Variants in CCNF observed in about 807,000 individuals in gnomAD.
The protein encoded by CCNF is cyclin-F.
CCNF carries 30 observed loss-of-function variants against 85.4 expected under a neutral mutation model. The observed-to-expected ratio is 0.35, with a 90% CI of 0.26 to 0.48. The LOEUF (loss-of-function observed/expected upper bound fraction) is 0.48, where lower values mean the gene tolerates loss of function less well. Ranked by LOEUF, CCNF falls within the 20% of genes least tolerant of loss-of-function variation. The pLI is 0.99. For synonymous variants in CCNF, 439 were observed against 425.1 expected, an observed-to-expected ratio of 1.03 and a Z score of -0.40; for missense variants, 919 against 1,010.4, an observed-to-expected ratio of 0.91 and a Z score of 1.23.
In CCNF at chr16:2,452,831, G is replaced by A; in HGVS notation, c.1488-379G>A. On this transcript the variant is annotated intron_variant, in intron 13 of 16. Transcript: ENST00000397066. This position sits in a 1 kb window ranked among gnomAD's most constrained non-coding sequence, Gnocchi z 4.1. ...CTGTGTCTAGGTGATTTCCCTCGCG[G>A]TAACGTTTGCTGGGTTTGTCCATGT... 4.0e-6 allele frequency: 1 copy of A among 249,072 alleles called. No homozygotes were observed. The highest frequency in any genetic ancestry group is 7.9e-6 in the Non-Finnish European group (1 of 126,378). 15.4% of individuals were successfully genotyped at this position (249,072 alleles called of 1,614,324 possible).
chr16:2,429,694 G>A (rs1342949718), intron 1 of CCNF, among the ~76,000 whole-genome samples, 197 bp downstream of exon 1: 2 of 152,084 alleles, frequency 1.3e-5, no homozygotes, highest in Non-Finnish European at 2.9e-5. Context: ...TGCCCGGCGG[G>A]CGCCCGAGCC....
At position 2,453,562 on chromosome 16, in the gene CCNF, C is replaced by G; in HGVS notation, c.1715+25C>G. On this transcript the variant is annotated intron_variant, in intron 15 of 16. Coordinates refer to ENST00000397066, the MANE Select transcript of CCNF (RefSeq NM_001761.3). The surrounding 1 kb of genome is among the most constrained non-coding windows in gnomAD (Gnocchi z 5.6). ...GGTTAGTTACCCTGCGTTCTGGCTG[C>G]GCCATACAATGCTGGCATCCTCGTG... The G allele has an allele frequency of 6.2e-7, 1 of 1,613,462 alleles. No homozygotes were observed. The highest frequency in any genetic ancestry group is 8.5e-7 in the Non-Finnish European group (1 of 1,179,852).
Position 2,451,925 on chromosome 16 carries a change from C to T in CCNF, c.1488-1285C>T, listed in dbSNP as rs532548022. ...CACATCTCAACCTTGACCTGCCACC[C>T]CCCTGCCAGCGTGACTCAGCCAACG... On this transcript the variant is annotated intron_variant, in intron 13 of 16. Coordinates refer to ENST00000397066, the MANE Select transcript of CCNF (RefSeq NM_001761.3). The surrounding 1 kb of genome is among the most constrained non-coding windows in gnomAD (Gnocchi z 4.3). Among the ~76,000 whole-genome samples, 1 of 152,328 alleles carries T rather than the reference C, an allele frequency of 6.6e-6. No individual in the cohort carries two copies. The highest frequency in any genetic ancestry group is 1.9e-4 in the East Asian group (1 of 5,178).
chr16:2,437,494 G>A (rs2065297874), intron 5 of CCNF, 172 bp downstream of exon 5: 2 of 569,476 alleles, frequency 3.5e-6, no homozygotes, highest in East Asian at 2.9e-5. Context: ...AGCTGGCACA[G>A]AGGAGGAAGC....
intron 12 of CCNF, among the ~76,000 whole-genome samples, 170 bp downstream of exon 12, chr16:2,449,632 C>T (rs1285446140): frequency 6.6e-6 from 1 of 152,198 alleles, no homozygotes; most frequent in Non-Finnish European, 1.5e-5. Flanking sequence ...GACCATGAGC[C>T]TGCACGCCCT....
intron 12 of CCNF, 28 bp from the exon 13 acceptor site, chr16:2,449,800 T>TCCATCCCCA: frequency 3.2e-5 from 12 of 379,966 alleles, no homozygotes; most frequent in African/African-American, 7.1e-5. Flanking sequence ...CTCCATCCCC[T>TCCATCCCCA]CCACCCCTGG....
chr16:2,453,626 C>T lies in CCNF; in HGVS notation c.1715+89C>T, dbSNP rs376827215. On this transcript the variant is annotated intron_variant, in intron 15 of 16. Coordinates refer to ENST00000397066, the MANE Select transcript of CCNF (RefSeq NM_001761.3). The surrounding 1 kb of genome is among the most constrained non-coding windows in gnomAD (Gnocchi z 5.6). ...CTCAGCGCTTCCTCACACAGAGAGG[C>T]CCCCAAGGCTTGTCAGGGGAGCAGC... The T allele has an allele frequency of 6.8e-5, 104 of 1,526,074 alleles. No individual in the cohort carries two copies. Among genetic ancestry groups the T allele is most frequent in the East Asian group, 1.1e-4 (5 of 44,260 alleles). 94.5% of individuals were successfully genotyped at this position (1,526,074 alleles called of 1,614,324 possible).
At chr16:2,438,437 A>G (rs2065303308) in intron 6 of CCNF, among the ~76,000 whole-genome samples, 1 of 152,042 alleles carries the variant, frequency 6.6e-6, no homozygotes, top group Non-Finnish European at 1.5e-5. Flanking sequence ...GCTCGTGTGG[A>G]CCTCTCTGCC....
In CCNF at chr16:2,437,289, C is replaced by A. The variant is rs557533283; in HGVS notation, c.507C>A (p.His169Gln). ...GAAGCTGCTGCAAGGCCGTGGTTCA[C>A]GAGAGCCTCAGGGCAGAGTGCCAGC... ...VSGSCCKAVV[H>Q]ESLRAECQLQ... is the part of the protein sequence containing the mutation. Residue 169 changes from histidine (H) to glutamine (Q), a missense_variant, in exon 5 of 17, where the codon CAC becomes CAA. Around this residue, in one of 3 missense-constraint regions of CCNF, gnomAD observed 410 missense variants for 478.6 expected, o/e 0.86. Transcript: ENST00000397066. The A allele has an allele frequency of 1.2e-6, 2 of 1,605,596 alleles. No individual in the cohort carries two copies. Among genetic ancestry groups the A allele is most frequent in the Non-Finnish European group, 8.5e-7 (1 of 1,177,378 alleles).
In CCNF at chr16:2,456,347, A is replaced by G; in HGVS notation, c.1886-198A>G. 3 of 483,612 alleles carry G rather than the reference A, an allele frequency of 6.2e-6. No individual in the cohort carries two copies. The highest frequency in any genetic ancestry group is 3.6e-6 in the Non-Finnish European group (1 of 276,222). The allele number at this position is 483,612 out of a possible 1,614,324, so 30.0% of individuals were successfully genotyped here. On this transcript the variant is annotated intron_variant, in intron 16 of 16. Transcript: ENST00000397066. This position sits in a 1 kb window ranked among gnomAD's most constrained non-coding sequence, Gnocchi z 4.5. The stretch of plus-strand genomic sequence containing the variant: ...TAGATGGCCAACTTGTCATCTCCAC[A>G]TTTGTTGGAGTCATGGCGGGCAGCT...
Position 2,443,812 on chromosome 16 carries a change from AGGCCGG to A in CCNF, c.929+16_929+21del, listed in dbSNP as rs1370759009. On this transcript the variant is annotated intron_variant, in intron 9 of 16. Transcript: ENST00000397066. ...AATGACACAATGAGGTGAGGCATTCAGGCCGGGGCTTCTAATCAGAGCGGCGCGGAA... is the reference window on the plus strand; with the variant it reads ...AATGACACAATGAGGTGAGGCATTCAGGCTTCTAATCAGAGCGGCGCGGAA... The A allele has an allele frequency of 3.7e-6, 6 of 1,613,344 alleles. No individual in the cohort carries two copies. In the African/African-American group the frequency reaches 8.0e-5, roughly 22 times the overall value.
At position 2,455,404 on chromosome 16, in the gene CCNF, G is replaced by A. The variant is rs1405733844; in HGVS notation, c.1725G>A (p.Glu575=). 4.4e-6 allele frequency: 7 copies of A among 1,581,916 alleles called. 1 individual carries two copies. In the South Asian group the frequency reaches 6.7e-5, roughly 15 times the overall value. The part of the protein sequence containing the change: ...PSGRRTKRKR[E]NSLQEDRGSF... ...TCTCTCCACCTTGCAGGAAGCGGGA[G>A]AACAGCCTCCAGGAAGACAGAGGCA... Residue 575 remains glutamate, a synonymous_variant, in exon 16 of 17, where the codon GAG becomes GAA. Transcript: ENST00000397066.
intron 2 of CCNF, among the ~76,000 whole-genome samples, chr16:2,431,836 C>CTT (rs112459938): frequency 0.012 from 1,705 of 145,120 alleles, 37 homozygotes; most frequent in African/African-American, 0.038. Context: ...AAGAAAGTAC[C>CTT]TTTTTTTTTT....
At chr16:2,437,433 T>A in intron 5 of CCNF, 111 bp downstream of exon 5, 1 of 758,700 alleles carries the variant, frequency 1.3e-6, no homozygotes, top group Non-Finnish European at 2.0e-6. Context: ...CTAAGGGAAG[T>A]GAAGATGCAG....
rs908460285 is a variant in CCNF, at chr16:2,456,952, G to A, written c.2293G>A (p.Val765Met). The change falls in exon 17 of 17, where the codon GTG (valine) becomes ATG (methionine). Residue 765 changes from valine to methionine, a missense_variant. Transcript: ENST00000397066. This position sits in a 1 kb window ranked among gnomAD's most constrained non-coding sequence, Gnocchi z 4.5. Reference protein sequence around the residue: ...PPESSVPQQQVKRINLCIHSE... With the variant: ...PPESSVPQQQMKRINLCIHSE... Reference sequence around the variant, plus strand: ...GGAGAGCAGTGTTCCCCAGCAACAGGTGAAGCGGATAAACCTATGCATACA... The same window carrying A: ...GGAGAGCAGTGTTCCCCAGCAACAGATGAAGCGGATAAACCTATGCATACA... 6.8e-6 allele frequency: 11 copies of A among 1,613,304 alleles called. No homozygotes were observed. The highest frequency in any genetic ancestry group is 9.3e-6 in the Non-Finnish European group (11 of 1,179,688).
At position 2,437,162 on chromosome 16, in the gene CCNF, A is replaced by G; in HGVS notation, c.380A>G (p.Asn127Ser). ...TCTGATGAGGCCCGCGCAGAAGTGA[A>G]TGGCCTGAAGGCCTCTCGCTTCTTC... is the stretch of plus-strand genomic sequence containing the variant. The part of the protein sequence containing the change: ...SVSDEARAEV[N>S]GLKASRFFSL... Residue 127 changes from asparagine to serine, a missense_variant, in exon 5 of 17, where the codon AAT becomes AGT. Physicochemically the swap from Asn to Ser is conservative, Grantham distance 46. This residue lies in a region of CCNF where 410 missense variants were observed against 478.6 expected (regional missense o/e 0.86). Transcript: ENST00000397066. 1.2e-6 allele frequency: 2 copies of G among 1,608,116 alleles called. No individual in the cohort carries two copies. The highest frequency in any genetic ancestry group is 1.1e-5 in the South Asian group (1 of 90,540).
intron 2 of CCNF, among the ~76,000 whole-genome samples, chr16:2,432,065 C>T (rs1163290607): frequency 3.9e-5 from 6 of 152,056 alleles, no homozygotes; most frequent in Non-Finnish European, 4.4e-5. Context: ...CTCTTGACCT[C>T]GTGATCCGCC....
intron 3 of CCNF, among the ~76,000 whole-genome samples, chr16:2,435,598 T>G (rs9673516): frequency 0.053 from 620 of 11,602 alleles, 5 homozygotes; most frequent in African/African-American, 0.39. Context: ...GAGAGAGAGA[T>G]ATATATATAT....
Position 2,439,846 on chromosome 16 carries a change from T to G in CCNF, c.777+20T>G, listed in dbSNP as rs374295127. 1.2e-6 allele frequency: 2 copies of G among 1,608,650 alleles called. No individual in the cohort carries two copies. The highest frequency in any genetic ancestry group is 2.7e-5 in the African/African-American group (2 of 74,938). ...GCGCAGGTGAGGTGCGGGGCTGGGA[T>G]GACGTGGGGAGCTGGCCTTTCTCCC... On this transcript the variant is annotated intron_variant, in intron 8 of 16. Coordinates refer to ENST00000397066, the MANE Select transcript of CCNF (RefSeq NM_001761.3).
Sources: gnomAD v4.1 joint callset for allele counts (sites outside exome capture counted in the v4.1 genomes callset) on GRCh38, gnomAD v4.1.1 for gene constraint, gnomAD v4.1.1 regional missense constraint, Gnocchi (gnomAD v3.1) non-coding constraint, MANE v1.5 for transcripts, NCBI Gene and HGNC (gene_info 2026-07-23, HGNC 2026-07-21) for gene names.